Variants in YJU2 observed in about 807,000 individuals in gnomAD.
The protein encoded by YJU2 is YJU2 splicing factor homolog.
A neutral mutation model predicts 39.6 loss-of-function variants in YJU2; 28 were observed. The observed-to-expected ratio is 0.71, with a 90% CI of 0.52 to 0.97. The LOEUF is 0.97. Ranked by LOEUF, YJU2 falls within the 50% of genes least tolerant of loss-of-function variation. The pLI, the probability that YJU2 is intolerant of heterozygous loss-of-function variation, is 0.00. For synonymous variants in YJU2, 184 were observed against 182.4 expected, an observed-to-expected ratio of 1.01 and a Z score of -0.07; for missense variants, 328 against 430.4, an observed-to-expected ratio of 0.76 and a Z score of 2.11.
chr19:4,261,824 T>A (rs1357842972), intron 5 of YJU2, among the ~76,000 whole-genome samples, 170 bp from the exon 6 acceptor site: 1 of 151,312 alleles, frequency 6.6e-6, no homozygotes, highest in African/African-American at 2.4e-5. Context: ...TGAGACCTTG[T>A]CTCTTAAAAA....
At chr19:4,264,475 T>A (rs1313380099) in intron 6 of YJU2, among the ~76,000 whole-genome samples, 1 of 148,476 alleles carries the variant, frequency 6.7e-6, no homozygotes, top group Admixed American at 6.7e-5. Context: ...GCCTGGCTAA[T>A]TTTTCTTTTC....
chr19:4,249,210 T>G lies in YJU2; in HGVS notation c.25-18T>G, dbSNP rs1416866511. ...CTTCTGAAAATAACTCCCCCAACGT[T>G]TCCTTCCTCCCCTGCAGAAATACTA... On this transcript the variant is annotated intron_variant, in intron 1 of 7. Coordinates refer to ENST00000262962, the MANE Select transcript of YJU2 (RefSeq NM_018074.6). 6.4e-7 allele frequency: 1 copy of G among 1,569,632 alleles called. No individual in the cohort carries two copies. Among genetic ancestry groups the G allele is most frequent in the Non-Finnish European group, 8.8e-7 (1 of 1,141,658 alleles).
rs745801523 is a variant in YJU2 at position 4,268,599 on chromosome 19, G to A, written c.875G>A (p.Arg292Lys). The change falls in exon 8 of 8, where the codon AGG (arginine) becomes AAG (lysine). Residue 292 changes from arginine (R) to lysine (K), a missense_variant. Transcript: ENST00000262962. ...CTCCCACCAGGAGCCCCGCAGAACA[G>A]GAAGGAGGCCAACCCTACACCCCTG... is the stretch of plus-strand genomic sequence containing the variant. ...AAPTPGAPQN[R>K]KEANPTPLTP... 3 of 1,612,626 alleles carry A rather than the reference G, an allele frequency of 1.9e-6. No individual in the cohort carries two copies. The highest frequency in any genetic ancestry group is 1.7e-5 in the Admixed American group (1 of 59,790).
intron 7 of YJU2, 25 bp downstream of exon 7, chr19:4,267,799 C>G (rs201987930): frequency 6.3e-7 from 1 of 1,597,136 alleles, no homozygotes; most frequent in Admixed American, 1.7e-5. Flanking sequence ...TTCCCAGAGC[C>G]GGGCGCGGTT....
At chr19:4,263,456 C>T (rs1308375502) in intron 6 of YJU2, among the ~76,000 whole-genome samples, 2 of 152,116 alleles carry the variant, frequency 1.3e-5, no homozygotes, top group Non-Finnish European at 2.9e-5. Context: ...CATCTGGTGG[C>T]GAAGGAAACT....
At chr19:4,249,175 C>A in intron 1 of YJU2, 53 bp from the exon 2 acceptor site, 2 of 1,284,434 alleles carry the variant, frequency 1.6e-6, no homozygotes, top group Non-Finnish European at 2.2e-6. Context: ...TCTGCCATGT[C>A]CTGCCCCTGC....
At chr19:4,268,529 T>C in intron 7 of YJU2, 55 bp from the exon 8 acceptor site, 1 of 1,324,876 alleles carries the variant, frequency 7.5e-7, no homozygotes, top group Non-Finnish European at 1.1e-6. Context: ...CCGTGCCTTG[T>C]CCCTGGCCTG....
At chr19:4,248,791 C>T (rs948256120) in intron 1 of YJU2, among the ~76,000 whole-genome samples, 2 of 151,912 alleles carry the variant, frequency 1.3e-5, no homozygotes, top group South Asian at 4.2e-4. Context: ...TGGTGGTGGG[C>T]GCCTGTAATC....
At chr19:4,257,325 G>A (rs1417380344) in intron 4 of YJU2, among the ~76,000 whole-genome samples, 1 of 151,980 alleles carries the variant, frequency 6.6e-6, no homozygotes, top group East Asian at 1.9e-4. Context: ...ATAGAGTCTC[G>A]CTCTGTCACC....
At chr19:4,251,629 G>C (rs1970977374) in intron 3 of YJU2, among the ~76,000 whole-genome samples, 1 of 150,512 alleles carries the variant, frequency 6.6e-6, no homozygotes, top group South Asian at 2.1e-4. Flanking sequence ...AGGTTGCAGT[G>C]AGCGAAGATT....
rs777593624 is a variant in YJU2 at position 4,254,375 on chromosome 19, C to T, written c.291C>T (p.Asp97=). The T allele has an allele frequency of 1.9e-6, 3 of 1,613,682 alleles. No homozygotes were observed. Among genetic ancestry groups the T allele is most frequent in the Non-Finnish European group, 2.5e-6 (3 of 1,179,792 alleles). ...TGCAGACAGACCCTGAAAACACAGA[C>T]TACACCATGGAGCATGGAGCCACGC... The part of the protein sequence containing the change: ...ITFKTDPENT[D]YTMEHGATRN... The change falls in exon 4 of 8, where the codon GAC becomes GAT. Residue 97 remains aspartate (D), a synonymous_variant. Coordinates refer to ENST00000262962, the MANE Select transcript of YJU2 (RefSeq NM_018074.6).
intron 2 of YJU2, 94 bp downstream of exon 2, chr19:4,249,422 GATC>G (rs1462965891): frequency 3.9e-5 from 30 of 761,166 alleles, no homozygotes; most frequent in Non-Finnish European, 5.9e-5. Flanking sequence ...GTTAAGACCA[GATC>G]ACTGGTCTTA....
rs150932763 is a variant in YJU2, at chr19:4,248,584, C to T, written c.25-644C>T. 2.4e-4 allele frequency among the ~76,000 whole-genome samples: 37 copies of T among 152,198 alleles called. No individual in the cohort carries two copies. In the East Asian group the frequency reaches 2.7e-3, roughly 11 times the overall value. On this transcript the variant is annotated intron_variant, in intron 1 of 7. Transcript: ENST00000262962. ...GGGAGTTGGGACTCCTCGGGGAACT[C>T]GGTCTCCTGCCTGAACAACAGAAGT...
intron 1 of YJU2, among the ~76,000 whole-genome samples, chr19:4,247,567 TGGGGTGGGGTGGCGC>T (rs1410019667): frequency 7.8e-5 from 1 of 12,860 alleles, no homozygotes; most frequent in African/African-American, 5.0e-4. Flanking sequence ...TTGGGTGGGG[TGGGGTGGGGTGGCGC>T]GTGTGTGTGT....
At chr19:4,249,527 A>T (rs1176885516) in intron 2 of YJU2, among the ~76,000 whole-genome samples, 199 bp downstream of exon 2, 5 of 151,996 alleles carry the variant, frequency 3.3e-5, no homozygotes, top group African/African-American at 1.2e-4. Context: ...CCCTCCAGCC[A>T]GTGCCTGCCT....
chr19:4,251,426 C>T (rs1256040288), intron 3 of YJU2, among the ~76,000 whole-genome samples: 1 of 152,176 alleles, frequency 6.6e-6, no homozygotes, highest in African/African-American at 2.4e-5. Flanking sequence ...GCATGGCTCA[C>T]ACCTGTACTC....
In YJU2 at chr19:4,267,673, G is replaced by A; in HGVS notation, c.758G>A (p.Ser253Asn). The stretch of plus-strand genomic sequence containing the variant: ...GAGGTCTGGGAGCAGAGCGTTGGCA[G>A]CCTGGGCAGCCGGCCCCCGCTGTCG... ...KVEVWEQSVG[S>N]LGSRPPLSRL... The change falls in exon 7 of 8, where the codon AGC becomes AAC. Residue 253 changes from serine to asparagine, a missense_variant. Ser to Asn is a conservative substitution (Grantham distance 46). Around this residue, in one of 2 missense-constraint regions of YJU2, gnomAD observed 244 missense variants for 264.6 expected, o/e 0.92. Coordinates refer to ENST00000262962, the MANE Select transcript of YJU2 (RefSeq NM_018074.6). 6.2e-7 allele frequency: 1 copy of A among 1,613,496 alleles called. No homozygotes were observed. The highest frequency in any genetic ancestry group is 8.5e-7 in the Non-Finnish European group (1 of 1,179,930).
intron 6 of YJU2, 48 bp downstream of exon 6, chr19:4,262,162 A>G: frequency 4.5e-6 from 7 of 1,544,726 alleles, no homozygotes; most frequent in Non-Finnish European, 6.1e-6. Flanking sequence ...AACTAGGGAC[A>G]ACTGAAGCCA....
Position 4,267,736 on chromosome 19 carries a change from A to G in YJU2, c.821A>G (p.Asp274Gly). The G allele has an allele frequency of 6.2e-7, 1 of 1,612,932 alleles. No homozygotes were observed. Among genetic ancestry groups the G allele is most frequent in the Non-Finnish European group, 8.5e-7 (1 of 1,179,822 alleles). The change falls in exon 7 of 8, where the codon GAC (aspartate) becomes GGC (glycine). Residue 274 changes from aspartate to glycine, a missense_variant. This residue lies in a region of YJU2 where 244 missense variants were observed against 264.6 expected (regional missense o/e 0.92). Coordinates refer to ENST00000262962, the MANE Select transcript of YJU2 (RefSeq NM_018074.6). ...VVVKKAKADP[D>G]CSNGQPQAAP... ...GTGAAGAAGGCAAAGGCCGACCCGG[A>G]CTGCAGCAACGGGCAGCCTCAGGCG...
Sources: allele counts gnomAD v4.1 joint callset (sites outside exome capture counted in the v4.1 genomes callset), GRCh38; gene constraint gnomAD v4.1.1; regional missense constraint gnomAD v4.1.1; transcripts MANE v1.5; gene names NCBI Gene and HGNC (gene_info 2026-07-23, HGNC 2026-07-21).